AVEN: variants seen among roughly 807,000 people sequenced by gnomAD.
AVEN encodes apoptosis and caspase activation inhibitor.
In AVEN, 41 loss-of-function variants were observed where a neutral mutation model predicts 38.1. The observed-to-expected ratio is 1.08, with a 90% confidence interval of 0.84 to 1.40. AVEN has a LOEUF of 1.40. AVEN is among the 40% of genes most tolerant of loss of function. The pLI, the probability that AVEN is intolerant of heterozygous loss-of-function variation, is 0.00. For missense variants in AVEN, 605 were observed against 438.8 expected (o/e 1.38, Z -3.38); for synonymous variants, 206 against 171.8 (o/e 1.20, Z -1.56).
In AVEN at chr15:33,963,250, A is replaced by G. The variant is rs1233404456; in HGVS notation, c.445+39782T>C. On this transcript the variant is annotated intron_variant, in intron 2 of 5. Transcript: ENST00000306730. Reference sequence around the variant, plus strand: ...TGTGCTAGGTGCTTTGCATGGGTTAATCAGAATATGTCCCTAAGACTGTTT... The same window carrying G: ...TGTGCTAGGTGCTTTGCATGGGTTAGTCAGAATATGTCCCTAAGACTGTTT... 2.0e-5 allele frequency among the ~76,000 whole-genome samples: 3 copies of G among 152,328 alleles called. No homozygotes were observed. The East Asian group carries it at 5.8e-4, about 29-fold the overall frequency.
chr15:34,003,783 C>A (rs1897228263), intron 1 of AVEN, among the ~76,000 whole-genome samples: 1 of 152,098 alleles, frequency 6.6e-6, no homozygotes, highest in South Asian at 2.1e-4. Context: ...AGATTCCATA[C>A]TCTAGAATAA....
chr15:33,864,121 T>C (rs752109625), downstream of AVEN: 2 of 1,598,644 alleles, frequency 1.3e-6, no homozygotes, highest in Admixed American at 3.4e-5. Context: ...TCTAATACTA[T>C]CTTTTCCTCG....
At chr15:34,010,452 C>T (rs1385950151) in intron 1 of AVEN, among the ~76,000 whole-genome samples, 2 of 152,128 alleles carry the variant, frequency 1.3e-5, no homozygotes, top group Non-Finnish European at 2.9e-5. Context: ...AACCAGACAA[C>T]AGATCCTATT....
At chr15:33,979,019 T>C (rs2140517823) in intron 2 of AVEN, among the ~76,000 whole-genome samples, 1 of 152,138 alleles carries the variant, frequency 6.6e-6, no homozygotes, top group South Asian at 2.1e-4. Context: ...ATGCTCCAGG[T>C]TTCTTTTTCA....
At chr15:33,921,694 A>G (rs1047219761) in intron 2 of AVEN, among the ~76,000 whole-genome samples, 10 of 152,260 alleles carry the variant, frequency 6.6e-5, no homozygotes, top group African/African-American at 2.4e-4. Flanking sequence ...TTTGAGCATC[A>G]GAAAGGCTCA....
chr15:33,863,769 TTA>T (rs1165757391), downstream of AVEN, among the ~76,000 whole-genome samples: 1 of 152,226 alleles, frequency 6.6e-6, no homozygotes, highest in Non-Finnish European at 1.5e-5. Context: ...TTCTACATTT[TTA>T]TGAGATGATA....
At position 33,939,281 on chromosome 15, in the gene AVEN, T is replaced by A. The variant is rs1894219731; in HGVS notation, c.446-63286A>T. On this transcript the variant is annotated intron_variant, in intron 2 of 5. Transcript: ENST00000306730. ...TGAATTTACAATGTGTTCAATAGTA[T>A]TTAAACCAATTTCATTAATTAATTA... is the stretch of plus-strand genomic sequence containing the variant. Among the ~76,000 whole-genome samples the A allele has an allele frequency of 3.3e-5, 5 of 152,350 alleles. No homozygotes were observed. In the South Asian group the frequency reaches 1.0e-3, roughly 32 times the overall value.
At chr15:33,904,358 T>C (rs1597214510) in intron 2 of AVEN, among the ~76,000 whole-genome samples, 6 of 152,326 alleles carry the variant, frequency 3.9e-5, no homozygotes, top group Admixed American at 3.3e-4. Context: ...AGTTCGAAAC[T>C]GCAGTGAGCT....
intron 1 of AVEN, among the ~76,000 whole-genome samples, chr15:34,011,410 T>G (rs549283427): frequency 6.6e-6 from 1 of 152,062 alleles, no homozygotes; most frequent in East Asian, 1.9e-4. Context: ...TTTGAAAAAA[T>G]TAATAAATGC....
intron 5 of AVEN, among the ~76,000 whole-genome samples, chr15:34,055,462 G>A (rs1275757037): frequency 6.8e-6 from 1 of 147,692 alleles, no homozygotes; most frequent in Non-Finnish European, 1.5e-5. Flanking sequence ...CTGTGATCAC[G>A]CCACTGCATT....
chr15:33,993,584 T>C (rs542218827), intron 2 of AVEN, among the ~76,000 whole-genome samples: 11 of 152,358 alleles, frequency 7.2e-5, no homozygotes, highest in African/African-American at 2.6e-4. Context: ...TAAAGAGTTT[T>C]ATTCCTTTTA....
intron 2 of AVEN, among the ~76,000 whole-genome samples, chr15:33,979,327 G>C (rs1321980341): frequency 1.3e-5 from 2 of 152,142 alleles, no homozygotes; most frequent in Admixed American, 6.5e-5. Context: ...TTTGAGATCA[G>C]CCTGGGCAAT....
At chr15:34,062,683 C>A (rs1250393247) in intron 5 of AVEN, 4 of 1,575,846 alleles carry the variant, frequency 2.5e-6, no homozygotes, top group East Asian at 2.2e-5. Flanking sequence ...CAGCCTAGAA[C>A]CTAACACTAT....
At chr15:34,024,472 CAAAAAAAAAAA>C (rs10531898) in intron 1 of AVEN, among the ~76,000 whole-genome samples, 15,376 of 102,240 alleles carry the variant, frequency 0.15, 1,065 homozygotes, top group East Asian at 0.39. Flanking sequence ...GACCCTGTCT[CAAAAAAAAAAA>C]AAAAAAAAAA....
At chr15:33,859,531 G>C (rs2080111360) in intron 11 of AVEN, 1 of 1,608,946 alleles carries the variant, frequency 6.2e-7, no homozygotes, top group African/African-American at 1.3e-5. Context: ...GCTAAAAACA[G>C]AACTGTGACT....
chr15:34,064,300 A>T, intron 4 of AVEN: 1 of 1,612,752 alleles, frequency 6.2e-7, no homozygotes. Context: ...TGGCAGGGGA[A>T]CAGCAAGCTA....
rs186416325 is a variant in AVEN at position 33,955,326 on chromosome 15, A to T, written c.445+47706T>A. 1.0e-3 allele frequency among the ~76,000 whole-genome samples: 159 copies of T among 152,378 alleles called. 1 individual carries two copies. The highest frequency in any genetic ancestry group is 3.7e-3 in the African/African-American group (152 of 41,594). ...TGAGAAGGAAAATGTAAATCAAGTT[A>T]ACTTGTTGGTTTGAACATGTAATTA... On this transcript the variant is annotated intron_variant, in intron 2 of 5. Coordinates refer to ENST00000306730, the MANE Select transcript of AVEN (RefSeq NM_020371.3).
the AVEN span, chr15:33,852,887 G>GT: frequency 1.5e-6 from 1 of 652,226 alleles, no homozygotes; most frequent in Non-Finnish European, 2.7e-6. Flanking sequence ...AGTAGAGCCT[G>GT]TGATGACTCT....
At chr15:34,002,591 A>G (rs602302) in intron 2 of AVEN, among the ~76,000 whole-genome samples, 122,384 of 151,990 alleles carry the variant, frequency 0.81, 49,520 homozygotes, top group East Asian at 1. Context: ...AAGTGCATAT[A>G]GCTCCAATAT....
Sources: allele counts gnomAD v4.1 joint callset (sites outside exome capture counted in the v4.1 genomes callset), GRCh38; gene constraint gnomAD v4.1.1; transcripts MANE v1.5; gene names NCBI Gene and HGNC (gene_info 2026-07-23, HGNC 2026-07-21).